TMC1: variants seen among roughly 807,000 people sequenced by gnomAD.
TMC1 encodes transmembrane channel like 1.
Under a neutral mutation model 105.8 loss-of-function variants are expected in TMC1, and 84 were observed. The observed-to-expected ratio is 0.79, with a 90% CI of 0.67 to 0.95. The LOEUF is 0.95. Ranked by LOEUF, TMC1 falls within the 40% of genes least tolerant of loss-of-function variation. The pLI, the probability that TMC1 is intolerant of heterozygous loss-of-function variation, is 0.00. For synonymous variants in TMC1, 315 were observed against 311.5 expected (o/e 1.01, Z -0.12); for missense variants, 817 against 914.1 (o/e 0.89, Z 1.37).
At chr9:72,634,156 C>T (rs954020115) in intron 4 of TMC1, among the ~76,000 whole-genome samples, 1 of 152,066 alleles carries the variant, frequency 6.6e-6, no homozygotes, top group East Asian at 1.9e-4. Context: ...AAACTGTCTT[C>T]GCATGCTGAG....
At chr9:72,533,151 C>G (rs1197551951) in intron 1 of TMC1, among the ~76,000 whole-genome samples, 1 of 152,206 alleles carries the variant, frequency 6.6e-6, no homozygotes, top group Non-Finnish European at 1.5e-5. Flanking sequence ...TGGCCAGGAT[C>G]AGCTGAAGTG....
intron 17 of TMC1, among the ~76,000 whole-genome samples, chr9:72,799,788 T>C (rs1048982511): frequency 6.6e-6 from 1 of 152,188 alleles, no homozygotes; most frequent in Non-Finnish European, 1.5e-5. Flanking sequence ...ACGATAAATA[T>C]GTTACATGGC....
chr9:72,801,031 A>G (rs1828461659), intron 17 of TMC1, among the ~76,000 whole-genome samples: 1 of 152,160 alleles, frequency 6.6e-6, no homozygotes, highest in Non-Finnish European at 1.5e-5. Context: ...ACCCTCATTC[A>G]TTGTTCTATG....
At chr9:72,801,583 C>T (rs1371879171) in intron 17 of TMC1, among the ~76,000 whole-genome samples, 1 of 152,192 alleles carries the variant, frequency 6.6e-6, no homozygotes, top group Non-Finnish European at 1.5e-5. Flanking sequence ...TTATGATGTT[C>T]CTTGCCTATT....
At chr9:72,830,823 C>T in intron 23 of TMC1, 141 bp downstream of exon 23, 1 of 758,356 alleles carries the variant, frequency 1.3e-6, no homozygotes. Flanking sequence ...CCTTACCTTC[C>T]ACCTTTTTAG....
At chr9:72,687,201 G>A (rs1339729719) in intron 5 of TMC1, among the ~76,000 whole-genome samples, 2 of 152,144 alleles carry the variant, frequency 1.3e-5, no homozygotes, top group Non-Finnish European at 2.9e-5. Context: ...TTTTAAAAAT[G>A]TGCTTTGGTT....
intron 12 of TMC1, among the ~76,000 whole-genome samples, chr9:72,755,104 G>GAAAGAGAGAGAGAGAGAGAAAGAAAT (rs1827657864): frequency 6.6e-6 from 1 of 150,676 alleles, no homozygotes; most frequent in African/African-American, 2.5e-5. Context: ...GAGAAAGAAA[G>GAAAGAGAGAGAGAGAGAGAAAGAAAT]AAAGAAAGAG....
At chr9:72,676,567 A>G (rs1826205861) in intron 5 of TMC1, among the ~76,000 whole-genome samples, 1 of 152,176 alleles carries the variant, frequency 6.6e-6, no homozygotes, top group Non-Finnish European at 1.5e-5. Flanking sequence ...AATTAGCCAC[A>G]GTACAGGATG....
chr9:72,542,609 G>GA lies in TMC1; in HGVS notation c.-428+20704dup, dbSNP rs202040181. ...CGCTCCAGCCTAGGGGGGAGAAAAAGAAAAAAAAGAATTCTGATCCAGGCA... is the reference window on the plus strand; with the variant it reads ...CGCTCCAGCCTAGGGGGGAGAAAAAGAAAAAAAAAGAATTCTGATCCAGGCA... On this transcript the variant is annotated intron_variant, in intron 1 of 23. Coordinates refer to ENST00000297784, the MANE Select transcript of TMC1 (RefSeq NM_138691.3). Among the ~76,000 whole-genome samples, 1,331 of 151,218 alleles carry GA rather than the reference G, an allele frequency of 8.8e-3. 16 individuals are homozygous for GA. The highest frequency in any genetic ancestry group is 0.045 in the South Asian group (214 of 4,748).
At chr9:72,524,286 GA>G (rs1481176063) in intron 1 of TMC1, among the ~76,000 whole-genome samples, 3 of 151,676 alleles carry the variant, frequency 2.0e-5, no homozygotes, top group African/African-American at 7.2e-5. Flanking sequence ...TCTCAAAAAG[GA>G]AAAAAATAAT....
At chr9:72,696,246 G>T (rs1451631391) in intron 7 of TMC1, among the ~76,000 whole-genome samples, 1 of 152,128 alleles carries the variant, frequency 6.6e-6, no homozygotes, top group African/African-American at 2.4e-5. Context: ...GGATCCTGTG[G>T]CTATGACAGT....
intron 5 of TMC1, among the ~76,000 whole-genome samples, chr9:72,682,224 G>A (rs1826299287): frequency 6.6e-6 from 1 of 152,048 alleles, no homozygotes; most frequent in Non-Finnish European, 1.5e-5. Context: ...GAATGTCTGT[G>A]CCCTCTGGTT....
chr9:72,735,830 T>C (rs1262216459), intron 8 of TMC1, among the ~76,000 whole-genome samples: 3 of 152,232 alleles, frequency 2.0e-5, no homozygotes, highest in Non-Finnish European at 4.4e-5. Flanking sequence ...GAATCTCTTC[T>C]TGCTAAACAA....
At chr9:72,528,881 T>G (rs1368361849) in intron 1 of TMC1, among the ~76,000 whole-genome samples, 2 of 152,138 alleles carry the variant, frequency 1.3e-5, no homozygotes, top group Non-Finnish European at 1.5e-5. Context: ...GTTGACCCTC[T>G]GTATCCCTGC....
intron 4 of TMC1, among the ~76,000 whole-genome samples, chr9:72,640,191 G>T (rs994345421): frequency 2.2e-4 from 33 of 152,172 alleles, no homozygotes; most frequent in African/African-American, 7.2e-4. Flanking sequence ...GTATTATGGT[G>T]TGATAATATA....
chr9:72,692,907 C>A (rs1216318955), intron 6 of TMC1, among the ~76,000 whole-genome samples: 1 of 151,314 alleles, frequency 6.6e-6, no homozygotes, highest in African/African-American at 2.4e-5. Flanking sequence ...TCACTTGAGG[C>A]CAGGAGTTCA....
chr9:72,594,582 A>G (rs1824689144), intron 2 of TMC1, among the ~76,000 whole-genome samples: 1 of 152,166 alleles, frequency 6.6e-6, no homozygotes, highest in Admixed American at 6.5e-5. Flanking sequence ...TTTTGGGGTG[A>G]CATGGCCTGT....
At chr9:72,777,337 T>C (rs1488318686) in intron 13 of TMC1, among the ~76,000 whole-genome samples, 1 of 152,220 alleles carries the variant, frequency 6.6e-6, no homozygotes, top group African/African-American at 2.4e-5. Context: ...AAGGAATTTC[T>C]CCTTATCTAT....
chr9:72,561,398 A>G (rs1301475847), intron 1 of TMC1, among the ~76,000 whole-genome samples: 2 of 151,936 alleles, frequency 1.3e-5, no homozygotes, highest in Admixed American at 1.3e-4. Context: ...TCTGATCCAT[A>G]TAGTGGATGT....
Sources: gnomAD v4.1 joint callset for allele counts (sites outside exome capture counted in the v4.1 genomes callset) on GRCh38, gnomAD v4.1.1 for gene constraint, MANE v1.5 for transcripts, NCBI Gene and HGNC (gene_info 2026-07-23, HGNC 2026-07-21) for gene names.